Variants in RPTOR observed in about 807,000 individuals in gnomAD.
RPTOR encodes the protein regulatory associated protein of MTOR complex 1, also known as regulatory-associated protein of mTOR.
RPTOR carries 21 observed loss-of-function variants against 169.9 expected under a neutral mutation model. The observed-to-expected ratio is 0.12, with a 90% CI of 0.09 to 0.18. RPTOR has a LOEUF of 0.18. RPTOR is among the 10% of genes least tolerant of loss of function. The probability of loss-of-function intolerance (pLI) is 1.00; values close to 1 mark genes in which losing one functional copy is unlikely to be tolerated. For synonymous variants in RPTOR, 732 were observed against 753.2 expected (o/e 0.97, Z 0.46); for missense variants, 1,133 against 1,855.9 (o/e 0.61, Z 7.16).
At chr17:80,926,246 G>A (rs1413692583) in intron 24 of RPTOR, among the ~76,000 whole-genome samples, 7 of 152,218 alleles carry the variant, frequency 4.6e-5, no homozygotes, top group Non-Finnish European at 1.0e-4. Flanking sequence ...CATAGTGAAT[G>A]CTGATTTCTG....
At chr17:80,689,100 T>G (rs1423003981) in intron 3 of RPTOR, among the ~76,000 whole-genome samples, 1 of 152,232 alleles carries the variant, frequency 6.6e-6, no homozygotes, top group African/African-American at 2.4e-5. Flanking sequence ...GTTTTAAACA[T>G]TTATCAAACG....
intron 1 of RPTOR, among the ~76,000 whole-genome samples, chr17:80,573,889 C>G (rs939667098): frequency 2.0e-5 from 3 of 152,216 alleles, no homozygotes; most frequent in African/African-American, 7.2e-5. Flanking sequence ...CTGGCCTTCC[C>G]CATTTATCTT....
At chr17:80,772,223 G>A (rs1207193581) in intron 6 of RPTOR, among the ~76,000 whole-genome samples, 1 of 152,150 alleles carries the variant, frequency 6.6e-6, no homozygotes, top group African/African-American at 2.4e-5. Flanking sequence ...GCCACTGTTT[G>A]GCTGCTTTTA....
At chr17:80,682,418 A>G (rs2065906222) in intron 3 of RPTOR, among the ~76,000 whole-genome samples, 1 of 152,106 alleles carries the variant, frequency 6.6e-6, no homozygotes, top group Non-Finnish European at 1.5e-5. Context: ...AAGGTTGTTG[A>G]GAGGGAGAGC....
chr17:80,559,555 C>T (rs1568303473), intron 1 of RPTOR, among the ~76,000 whole-genome samples: 3 of 152,180 alleles, frequency 2.0e-5, no homozygotes, highest in African/African-American at 7.2e-5. Context: ...GTGCTTTGCC[C>T]TTGGTGTGGC....
chr17:80,822,586 G>A (rs1382546970), intron 8 of RPTOR, among the ~76,000 whole-genome samples: 1 of 152,260 alleles, frequency 6.6e-6, no homozygotes, highest in Non-Finnish European at 1.5e-5. Context: ...TATCTTCAGA[G>A]TCGTCGGCAT....
chr17:80,921,546 G>A (rs1256629625), intron 21 of RPTOR, among the ~76,000 whole-genome samples: 5 of 152,214 alleles, frequency 3.3e-5, no homozygotes, highest in Non-Finnish European at 4.4e-5. Context: ...CACTAACGCC[G>A]ACAGCTGGTC....
chr17:80,891,535 C>T (rs969952368), intron 17 of RPTOR, among the ~76,000 whole-genome samples, 185 bp from the exon 18 acceptor site: 2 of 152,272 alleles, frequency 1.3e-5, no homozygotes, highest in Non-Finnish European at 2.9e-5. Context: ...TGCCGTCTCC[C>T]AGCACTCTGC....
intron 13 of RPTOR, among the ~76,000 whole-genome samples, chr17:80,866,417 A>G (rs563376319): frequency 1.1e-3 from 162 of 152,278 alleles, no homozygotes; most frequent in African/African-American, 3.5e-3. Flanking sequence ...AGTAAACCCA[A>G]AGCTGTCGGC....
chr17:80,846,976 C>T (rs1172412544), intron 11 of RPTOR, among the ~76,000 whole-genome samples: 1 of 152,260 alleles, frequency 6.6e-6, no homozygotes, highest in Non-Finnish European at 1.5e-5. Context: ...CTCGACACCA[C>T]TGCCTCCTTC....
chr17:80,605,263 A>T (rs1211939898), intron 1 of RPTOR, among the ~76,000 whole-genome samples: 1 of 152,250 alleles, frequency 6.6e-6, no homozygotes, highest in African/African-American at 2.4e-5. Flanking sequence ...TGAGGAGAGC[A>T]GTGACTGACA....
chr17:80,703,255 G>A (rs773278145), intron 3 of RPTOR, among the ~76,000 whole-genome samples: 4 of 152,148 alleles, frequency 2.6e-5, no homozygotes, highest in Non-Finnish European at 4.4e-5. Flanking sequence ...TGATTGCCTC[G>A]CCGTCTGGCA....
At chr17:80,912,478 T>C (rs1737535950) in intron 21 of RPTOR, among the ~76,000 whole-genome samples, 1 of 152,218 alleles carries the variant, frequency 6.6e-6, no homozygotes, top group South Asian at 2.1e-4. Context: ...CCTGAATTAT[T>C]TTAAACTGTA....
intron 3 of RPTOR, among the ~76,000 whole-genome samples, chr17:80,665,489 TTTCC>T: frequency 2.1e-5 from 1 of 47,386 alleles, no homozygotes; most frequent in African/African-American, 1.5e-4. Context: ...TTTCCTTTCC[TTTCC>T]TTTCCTTTCC....
At chr17:80,836,674 C>G (rs1461269381) in intron 9 of RPTOR, among the ~76,000 whole-genome samples, 2 of 152,172 alleles carry the variant, frequency 1.3e-5, no homozygotes, top group African/African-American at 4.8e-5. Flanking sequence ...GTGTTAGAGC[C>G]TCCGAGAAAG....
At chr17:80,787,713 G>A (rs2067007568) in intron 6 of RPTOR, among the ~76,000 whole-genome samples, 1 of 152,092 alleles carries the variant, frequency 6.6e-6, no homozygotes, top group Non-Finnish European at 1.5e-5. Context: ...TGCTGAGTAG[G>A]TTTAGAATGA....
rs568869669 is a variant in RPTOR, at chr17:80,717,782, C to T, written c.507+9783C>T. Among the ~76,000 whole-genome samples, 14 of 152,320 alleles carry T rather than the reference C, an allele frequency of 9.2e-5. No individual in the cohort carries two copies. In the South Asian group the frequency reaches 2.9e-3, roughly 32 times the overall value. On this transcript the variant is annotated intron_variant, in intron 4 of 33. Coordinates refer to ENST00000306801, the MANE Select transcript of RPTOR (RefSeq NM_020761.3). The stretch of plus-strand genomic sequence containing the variant: ...TTGCTGGTTGTTTTCTCAGCCTCAG[C>T]AGAAAACTGAGGTTCAGGCCTTAAG...
chr17:80,940,366 C>T, intron 24 of RPTOR, 130 bp from the exon 25 acceptor site: 2 of 661,384 alleles, frequency 3.0e-6, no homozygotes, highest in South Asian at 3.8e-5. Flanking sequence ...AGATGCCACA[C>T]CCTTTCGTAT....
At chr17:80,856,056 C>T (rs35352641) in intron 12 of RPTOR, among the ~76,000 whole-genome samples, 24,386 of 152,104 alleles carry the variant, frequency 0.16, 2,494 homozygotes, top group Non-Finnish European at 0.22. Context: ...GATCAAGAAG[C>T]GACGTGCGTT....
Sources: gnomAD v4.1 joint callset for allele counts (sites outside exome capture counted in the v4.1 genomes callset) on GRCh38, gnomAD v4.1.1 for gene constraint, MANE v1.5 for transcripts, NCBI Gene and HGNC (gene_info 2026-07-23, HGNC 2026-07-21) for gene names.